The following FBN3 variants were observed in gnomAD, a reference collection of about 807,000 sequenced individuals.
The protein encoded by FBN3 is fibrillin-3.
Under a neutral mutation model 330.1 loss-of-function variants are expected in FBN3, and 234 were observed. That is an observed-to-expected ratio of 0.71 (90% CI 0.64 to 0.79). The LOEUF (loss-of-function observed/expected upper bound fraction) is 0.79. Ranked by LOEUF, FBN3 falls within the 30% of genes least tolerant of loss-of-function variation. The probability of loss-of-function intolerance (pLI) is 0.00; values close to 1 mark genes in which losing one functional copy is unlikely to be tolerated. For synonymous variants in FBN3, 1,458 were observed against 1,517.3 expected (o/e 0.96, Z 0.91); for missense variants, 3,606 against 3,886.9 (o/e 0.93, Z 1.92).
In FBN3 at chr19:8,095,979, T is replaced by C. The variant is rs1458925236; in HGVS notation, c.5641A>G (p.Asn1881Asp). The change falls in exon 45 of 64, where the codon AAT (asparagine) becomes GAT (aspartate). Residue 1881 changes from asparagine (N) to aspartate (D), a missense_variant. Transcript: ENST00000600128. The stretch of plus-strand genomic sequence containing the variant: ...GCCGACTCACCCACACAATCCCCAT[T>C]GTGTGTCACCACAAAGCCAGGGAAG... The part of the protein sequence containing the change: ...LCFPGFVVTH[N>D]GDCVDFDECT... 6.2e-7 allele frequency: 1 copy of C among 1,612,294 alleles called. No homozygotes were observed. Among genetic ancestry groups the C allele is most frequent in the South Asian group, 1.1e-5 (1 of 91,062 alleles).
Position 8,089,967 on chromosome 19 carries a change from G to T in FBN3, c.6185-8C>A. On this transcript the variant is annotated splice_polypyrimidine_tract_variant and splice_region_variant and intron_variant, in intron 49 of 63. Transcript: ENST00000600128. ...AGAGCTCCTGAAAGGCAGCTGGACG[G>T]AGAGGGGGAGGGGAGTCAGAGTCAG... is the stretch of plus-strand genomic sequence containing the variant. 1.2e-6 allele frequency: 2 copies of T among 1,609,640 alleles called. No homozygotes were observed. Among genetic ancestry groups the T allele is most frequent in the Non-Finnish European group, 8.5e-7 (1 of 1,179,034 alleles).
rs767566801 is a variant in FBN3, at chr19:8,073,328, A to G, written c.7703-31T>C. 6 of 1,581,264 alleles carry G rather than the reference A, an allele frequency of 3.8e-6. No homozygotes were observed. In the East Asian group the frequency reaches 1.1e-4, roughly 30 times the overall value. On this transcript the variant is annotated intron_variant, in intron 61 of 63. Coordinates refer to ENST00000600128, the MANE Select transcript of FBN3 (RefSeq NM_032447.5). ...GGAGGAAAGGAGGAGGAGAGGGAGG[A>G]CGCAGAGGTGGGGCAGTGCAGCCTT... is the stretch of plus-strand genomic sequence containing the variant.
In FBN3 at chr19:8,132,984, C is replaced by A. The variant is rs984260059; in HGVS notation, c.1714G>T (p.Asp572Tyr). The A allele has an allele frequency of 1.3e-6, 2 of 1,555,160 alleles. No individual in the cohort carries two copies. Among genetic ancestry groups the A allele is most frequent in the Non-Finnish European group, 1.7e-6 (2 of 1,153,892 alleles). The part of the protein sequence containing the change: ...LLAPGGHYCM[D>Y]IDECQTPGIC... ...CTGGCCAGTCTGGCTCCAGGCTCAC[C>A]CATGCAGTAGTGGCCGCCAGGCGCC... The change falls in exon 14 of 64, where the codon GAC (aspartate) becomes TAC (tyrosine). Residue 572 changes from aspartate (D) to tyrosine (Y), a missense_variant and splice_region_variant. Transcript: ENST00000600128.
intron 57 of FBN3, among the ~76,000 whole-genome samples, chr19:8,081,981 TGAGACG>T (rs1437263614): frequency 6.6e-6 from 1 of 151,634 alleles, no homozygotes; most frequent in Non-Finnish European, 1.5e-5. Flanking sequence ...CTTTCTTTCT[TGAGACG>T]GAGTCTCGTT....
intron 10 of FBN3, among the ~76,000 whole-genome samples, chr19:8,137,078 GGCCTAGATCTCTCCAACCTGGT>G (rs1315753130): frequency 1.3e-5 from 2 of 150,746 alleles, no homozygotes; most frequent in African/African-American, 4.9e-5. Context: ...TCCAACCTGG[GGCCTAGATCTCTCCAACCTGGT>G]GCCTAGATCC....
At chr19:8,100,573 G>T (rs2082305921) in intron 41 of FBN3, among the ~76,000 whole-genome samples, 1 of 152,100 alleles carries the variant, frequency 6.6e-6, no homozygotes, top group Non-Finnish European at 1.5e-5. Flanking sequence ...CCTGACCTCA[G>T]GTGATCCACC....
intron 59 of FBN3, among the ~76,000 whole-genome samples, chr19:8,076,454 G>T (rs113100512): frequency 0.033 from 5,032 of 152,116 alleles, 129 homozygotes; most frequent in Middle Eastern, 0.065. Flanking sequence ...TGACCAACAT[G>T]GTGAAGCCCC....
rs1331256161 is a variant in FBN3, at chr19:8,075,376, C to T, written c.7489G>A (p.Gly2497Ser). 2 of 1,614,062 alleles carry T rather than the reference C, an allele frequency of 1.2e-6. No homozygotes were observed. The highest frequency in any genetic ancestry group is 2.2e-5 in the East Asian group (1 of 44,866). ...DECSAQPGPC[G>S]AHGHCHNTPG... Reference sequence around the variant, plus strand: ...GTGTTGTGGCAGTGCCCGTGGGCACCACATGGGCCAGGCTGGGCTGAGCAC... The same window carrying T: ...GTGTTGTGGCAGTGCCCGTGGGCACTACATGGGCCAGGCTGGGCTGAGCAC... Residue 2497 changes from glycine to serine, a missense_variant, in exon 60 of 64, where the codon GGT becomes AGT. Physicochemically the swap from Gly to Ser is moderately conservative, Grantham distance 56. Coordinates refer to ENST00000600128, the MANE Select transcript of FBN3 (RefSeq NM_032447.5).
rs202022496 is a variant in FBN3, at chr19:8,118,962, T to C, written c.3272A>G (p.Asp1091Gly). ...LCRGGTCTNTDGSYKCQCPPG... is the reference protein window; with the variant it reads ...LCRGGTCTNTGGSYKCQCPPG... The stretch of plus-strand genomic sequence containing the variant: ...GGGACACTGGCACTTGTAGCTCCCA[T>C]CCGTGTTGGTGCAAGTGCCTCCCCG... The change falls in exon 26 of 64, where the codon GAT (aspartate) becomes GGT (glycine). Residue 1091 changes from aspartate (D) to glycine (G), a missense_variant. Coordinates refer to ENST00000600128, the MANE Select transcript of FBN3 (RefSeq NM_032447.5). The C allele has an allele frequency of 1.8e-5, 29 of 1,613,054 alleles. No individual in the cohort carries two copies. In the African/African-American group the frequency reaches 3.9e-4, roughly 21 times the overall value.
At chr19:8,135,560 TTC>T (rs1172391735) in intron 13 of FBN3, among the ~76,000 whole-genome samples, 8 of 134,476 alleles carry the variant, frequency 5.9e-5, no homozygotes, top group Admixed American at 4.5e-4. Flanking sequence ...ACACTCGGAC[TTC>T]TTTTTTTTTT....
intron 24 of FBN3, among the ~76,000 whole-genome samples, chr19:8,122,181 A>T (rs2082868210): frequency 2.6e-5 from 4 of 151,686 alleles, no homozygotes; most frequent in Admixed American, 6.6e-5. Flanking sequence ...TGCAATAATA[A>T]TTTTTTTATT....
At chr19:8,148,525 C>A (rs140206421) in intron 1 of FBN3, among the ~76,000 whole-genome samples, 32 of 152,318 alleles carry the variant, frequency 2.1e-4, no homozygotes, top group Non-Finnish European at 2.6e-4. Flanking sequence ...CTCCTGCCCC[C>A]CTTGGCTGGG....
intron 6 of FBN3, among the ~76,000 whole-genome samples, chr19:8,143,434 G>A (rs1234012861): frequency 1.3e-5 from 2 of 151,226 alleles, no homozygotes; most frequent in East Asian, 1.9e-4. Context: ...CCCCGTCCCT[G>A]CCACACCTCA....
chr19:8,080,131 T>C (rs1460564694), intron 59 of FBN3, among the ~76,000 whole-genome samples: 1 of 152,200 alleles, frequency 6.6e-6, no homozygotes, highest in African/African-American at 2.4e-5. Context: ...TGTGTGTCAA[T>C]CAAACTTTAT....
chr19:8,076,247 C>CATGTGTGTGTGTGTGTGTGTGTGT (rs60725609), intron 59 of FBN3, among the ~76,000 whole-genome samples: 10 of 147,756 alleles, frequency 6.8e-5, no homozygotes, highest in African/African-American at 1.7e-4. Context: ...TGTCCGTGTG[C>CATGTGTGTGTGTGTGTGTGTGTGT]GTGTGTGTGT....
intron 55 of FBN3, 102 bp from the exon 56 acceptor site, chr19:8,085,671 G>A (rs985188426): frequency 4.5e-6 from 4 of 883,796 alleles, no homozygotes; most frequent in Non-Finnish European, 6.7e-6. Context: ...GGGTGTTGGG[G>A]ACAGGGGTGT....
chr19:8,117,599 A>G lies in FBN3; in HGVS notation c.3338-10T>C. 1 of 1,529,258 alleles carries G rather than the reference A, an allele frequency of 6.5e-7. No individual in the cohort carries two copies. The highest frequency in any genetic ancestry group is 8.8e-7 in the Non-Finnish European group (1 of 1,132,776). The allele number at this position is 1,529,258 out of a possible 1,614,324, so 94.7% of individuals were successfully genotyped here. ...GAGCACTCATCGATGTCTGTGGGGG[A>G]GTGCAGGTGAAAGACGGGCCTGTGC... is the stretch of plus-strand genomic sequence containing the variant. On this transcript the variant is annotated splice_polypyrimidine_tract_variant and intron_variant, in intron 26 of 63. Transcript: ENST00000600128.
intron 24 of FBN3, among the ~76,000 whole-genome samples, chr19:8,122,971 T>G (rs1323548672): frequency 1.3e-5 from 2 of 151,278 alleles, no homozygotes; most frequent in Non-Finnish European, 2.9e-5. Context: ...CCCAGCCCCT[T>G]CTTTTATAGT....
Position 8,087,105 on chromosome 19 carries a change from G to A in FBN3, c.6726C>T (p.Pro2242=). The change falls in exon 54 of 64, where the codon CCC becomes CCT. Residue 2242 remains proline, a synonymous_variant. Transcript: ENST00000600128. The part of the protein sequence containing the change: ...FACVCPPGMR[P]LPGSGEGCTD... ...TGCAGCCCTCCCCAGAGCCAGGCAG[G>A]GGCCGCATGCCTGGGGGACAGACGC... 1 of 1,609,874 alleles carries A rather than the reference G, an allele frequency of 6.2e-7. No individual in the cohort carries two copies. The highest frequency in any genetic ancestry group is 1.1e-5 in the South Asian group (1 of 90,884).
Sources: allele counts gnomAD v4.1 joint callset (sites outside exome capture counted in the v4.1 genomes callset), GRCh38; gene constraint gnomAD v4.1.1; transcripts MANE v1.5; gene names NCBI Gene and HGNC (gene_info 2026-07-23, HGNC 2026-07-21).